The following PAXBP1 variants were observed in gnomAD, a reference collection of about 807,000 sequenced individuals.
PAXBP1 encodes PAX3 and PAX7 binding protein 1.
Under a neutral mutation model 119.9 loss-of-function variants are expected in PAXBP1, and 44 were observed. That is an observed-to-expected ratio of 0.37 (90% CI 0.29 to 0.47). The LOEUF (loss-of-function observed/expected upper bound fraction) is 0.47. Ranked by LOEUF, PAXBP1 falls within the 20% of genes least tolerant of loss-of-function variation. The pLI is 0.99. For missense variants in PAXBP1, 898 were observed against 1,134.1 expected, an observed-to-expected ratio of 0.79 and a Z score of 2.99; for synonymous variants, 393 against 406.6, an observed-to-expected ratio of 0.97 and a Z score of 0.40.
chr21:32,749,778 T>A (rs2043930700), intron 10 of PAXBP1, among the ~76,000 whole-genome samples: 1 of 152,104 alleles, frequency 6.6e-6, no homozygotes, highest in Admixed American at 6.6e-5. Context: ...AACAATGCTA[T>A]GAGGAAACAT....
chr21:32,737,709 G>A (rs1294185241), intron 16 of PAXBP1, among the ~76,000 whole-genome samples: 1 of 152,030 alleles, frequency 6.6e-6, no homozygotes, highest in African/African-American at 2.4e-5. Context: ...AGTCTTCTAG[G>A]ATGGCCTAAA....
chr21:32,768,426 A>G (rs1051818161), intron 2 of PAXBP1, among the ~76,000 whole-genome samples: 8 of 152,252 alleles, frequency 5.3e-5, no homozygotes, highest in Non-Finnish European at 1.2e-4. Flanking sequence ...TTTAAATCCA[A>G]TATGGCAAAG....
chr21:32,762,435 G>GC (rs1336605560), intron 3 of PAXBP1, 118 bp from the exon 4 acceptor site: 1 of 1,343,120 alleles, frequency 7.4e-7, no homozygotes, highest in African/African-American at 1.5e-5. Flanking sequence ...TCAGCTGCTG[G>GC]CACCTCCTTC....
rs1204441349 is a variant in PAXBP1 at position 32,762,160 on chromosome 21, C to A, written c.807G>T (p.Glu269Asp). 2 of 1,614,220 alleles carry A rather than the reference C, an allele frequency of 1.2e-6. No individual in the cohort carries two copies. The highest frequency in any genetic ancestry group is 1.7e-6 in the Non-Finnish European group (2 of 1,180,040). ...NDASDDEDDD[E>D]KRRIVFSVKE... ...TCACAGAAAAAACTATCCGGCGTTT[C>A]TCATCGTCATCTTCATCATCACTGG... Residue 269 changes from glutamate to aspartate, a missense_variant, in exon 4 of 18, where the codon GAG becomes GAT. Glu to Asp is a conservative substitution (Grantham distance 45). Transcript: ENST00000331923.
intron 6 of PAXBP1, 23 bp from the exon 7 acceptor site, chr21:32,759,292 T>C (rs770815304): frequency 6.2e-7 from 1 of 1,604,708 alleles, no homozygotes; most frequent in Non-Finnish European, 8.5e-7. Context: ...AAAGGATAAA[T>C]ATAACACATT....
chr21:32,735,152 T>A, intron 17 of PAXBP1, 85 bp from the exon 18 acceptor site: 1 of 857,258 alleles, frequency 1.2e-6, no homozygotes, highest in Non-Finnish European at 1.9e-6. Context: ...ATTTTAGAGC[T>A]TCTGCAATCA....
At chr21:32,740,239 C>T (rs113441824) in intron 15 of PAXBP1, among the ~76,000 whole-genome samples, 270 of 152,314 alleles carry the variant, frequency 1.8e-3, no homozygotes, top group Middle Eastern at 6.8e-3. Context: ...TACATGTGAC[C>T]TGGAAGTCCC....
chr21:32,740,240 TG>T (rs1236213645), intron 15 of PAXBP1, among the ~76,000 whole-genome samples: 3 of 152,216 alleles, frequency 2.0e-5, no homozygotes, highest in African/African-American at 7.2e-5. Flanking sequence ...ACATGTGACC[TG>T]GAAGTCCCCA....
rs148079758 is a variant in PAXBP1, at chr21:32,739,432, A to G, written c.2335-1113T>C. On this transcript the variant is annotated intron_variant, in intron 15 of 17. Transcript: ENST00000331923. ...ATTGAGCCATTCTGAGGATTCAACA[A>G]GATAATCTATGTAAAAGGTGCGGGA... Among the ~76,000 whole-genome samples, 423 of 152,342 alleles carry G rather than the reference A, an allele frequency of 2.8e-3. 1 individual carries two copies. Among genetic ancestry groups the G allele is most frequent in the African/African-American group, 9.7e-3 (403 of 41,566 alleles).
rs373912940 is a variant in PAXBP1 at position 32,748,745 on chromosome 21, A to G, written c.1724-47T>C. 3.3e-6 allele frequency: 5 copies of G among 1,529,952 alleles called. No homozygotes were observed. The African/African-American group carries it at 6.9e-5, about 21-fold the overall frequency. The allele number at this position is 1,529,952 out of a possible 1,614,324, so 94.8% of individuals were successfully genotyped here. A position where few individuals can be genotyped will look rare whatever the true frequency, so the allele number is the denominator to read the frequency against. On this transcript the variant is annotated intron_variant, in intron 10 of 17. Coordinates refer to ENST00000331923, the MANE Select transcript of PAXBP1 (RefSeq NM_016631.4). ...AGAGAACCATACATTAGTATGAAGT[A>G]GGAAAAAAACAGTCCAATATTTTCA...
intron 13 of PAXBP1, among the ~76,000 whole-genome samples, chr21:32,743,979 CTACA>C (rs1156230230): frequency 6.6e-6 from 1 of 152,092 alleles, no homozygotes; most frequent in Non-Finnish European, 1.5e-5. Flanking sequence ...ATTCCTTAGT[CTACA>C]TAAAGATTTA....
rs772911403 is a variant in PAXBP1, at chr21:32,745,652, G to A, written c.1990C>T (p.Arg664Ter). Residue 664 changes from arginine (R) to a stop codon, truncating the protein, a stop_gained, in exon 12 of 18, where the codon CGA (arginine) becomes TGA (stop). Transcript: ENST00000331923. LOFTEE classifies it high-confidence loss of function. ...ESLLFYGCEE[R>*]EQEKDDVDVA... is the part of the protein sequence containing the mutation. The stretch of plus-strand genomic sequence containing the variant: ...TCTACATCATCTTTTTCTTGCTCTC[G>A]TTCTTCACAACCATAAAACAGCAAA... 1.9e-6 allele frequency: 3 copies of A among 1,613,872 alleles called. No individual in the cohort carries two copies. Among genetic ancestry groups the A allele is most frequent in the Non-Finnish European group, 2.5e-6 (3 of 1,179,888 alleles).
At chr21:32,770,900 T>C (rs1159144940) in intron 1 of PAXBP1, among the ~76,000 whole-genome samples, 1 of 152,142 alleles carries the variant, frequency 6.6e-6, no homozygotes, top group African/African-American at 2.4e-5. Context: ...TTTTACAAAC[T>C]CGGCCTTCAT....
intron 15 of PAXBP1, chr21:32,742,410 GCT>G (rs2043800763): frequency 6.6e-6 from 1 of 152,220 alleles, no homozygotes; most frequent in African/African-American, 2.4e-5. Flanking sequence ...AGTGTAGCCT[GCT>G]CTCTTTCACC....
chr21:32,763,859 G>A (rs972310471), intron 3 of PAXBP1, among the ~76,000 whole-genome samples: 3 of 152,074 alleles, frequency 2.0e-5, no homozygotes, highest in East Asian at 3.9e-4. Flanking sequence ...GGTGGTGCAC[G>A]CCTGTTAGTC....
At chr21:32,744,982 T>TATTAATTGTAC (rs2043851638) in intron 12 of PAXBP1, 69 bp from the exon 13 acceptor site, 3 of 1,467,190 alleles carry the variant, frequency 2.0e-6, no homozygotes, top group Non-Finnish European at 2.8e-6. Context: ...CAAGCAGACC[T>TATTAATTGTAC]CTATTAATGC....
intron 3 of PAXBP1, 32 bp from the exon 4 acceptor site, chr21:32,762,349 G>A (rs2044164303): frequency 1.3e-6 from 2 of 1,585,312 alleles, no homozygotes; most frequent in African/African-American, 2.7e-5. Context: ...ATGGCAGTAT[G>A]AGAGATGCAA....
chr21:32,767,860 C>T (rs973829678), intron 2 of PAXBP1, among the ~76,000 whole-genome samples: 3 of 152,174 alleles, frequency 2.0e-5, no homozygotes, highest in African/African-American at 4.8e-5. Flanking sequence ...TGACAACAGG[C>T]CTTTCTCAGT....
intron 8 of PAXBP1, among the ~76,000 whole-genome samples, chr21:32,753,550 G>T (rs543819053): frequency 6.6e-6 from 1 of 151,990 alleles, no homozygotes; most frequent in Admixed American, 6.6e-5. Context: ...CTCCATTTCT[G>T]TAAGAATTAT....
Sources: allele counts gnomAD v4.1 joint callset (sites outside exome capture counted in the v4.1 genomes callset), GRCh38; gene constraint gnomAD v4.1.1; transcripts MANE v1.5; gene names NCBI Gene and HGNC (gene_info 2026-07-23, HGNC 2026-07-21).